Variants in MRPS28 observed in about 807,000 individuals in gnomAD.
The protein encoded by MRPS28 is mitochondrial ribosomal protein S28, also known as small ribosomal subunit protein bS1m.
A neutral mutation model predicts 10.8 loss-of-function variants in MRPS28; 7 were observed. The ratio of observed to expected loss-of-function variants is 0.65; its 90% CI spans 0.37 to 1.22. MRPS28 has a LOEUF of 1.22. MRPS28 is among the 50% of genes most tolerant of loss of function. The pLI is 0.02. For missense variants in MRPS28, 265 were observed against 232.9 expected (o/e 1.14, Z -0.90); for synonymous variants, 121 against 93.3 (o/e 1.30, Z -1.71).
chr8:79,950,645 A>C (rs192135816), intron 2 of MRPS28, among the ~76,000 whole-genome samples: 9 of 152,370 alleles, frequency 5.9e-5, no homozygotes, highest in African/African-American at 1.9e-4. Flanking sequence ...AAGCATCTTT[A>C]TCAATATAGC....
chr8:79,963,368 C>CA (rs1221087440), intron 2 of MRPS28, among the ~76,000 whole-genome samples: 3 of 152,014 alleles, frequency 2.0e-5, no homozygotes, highest in Admixed American at 6.6e-5. Flanking sequence ...ACAACAACAA[C>CA]AAAAAACCAC....
chr8:79,936,357 A>G (rs1806605712), intron 2 of MRPS28, among the ~76,000 whole-genome samples: 1 of 150,640 alleles, frequency 6.6e-6, no homozygotes, highest in Admixed American at 6.6e-5. Flanking sequence ...ATAAAAATAA[A>G]AATTAATAAA....
intron 1 of MRPS28, chr8:80,029,814 C>A: frequency 6.5e-7 from 1 of 1,529,314 alleles, no homozygotes; most frequent in East Asian, 2.5e-5. Context: ...ACAGACCCGG[C>A]CCAGTACGCA....
chr8:80,015,007 T>C (rs1215891398), intron 1 of MRPS28, among the ~76,000 whole-genome samples: 1 of 152,158 alleles, frequency 6.6e-6, no homozygotes, highest in Non-Finnish European at 1.5e-5. Context: ...GAAACCTCTG[T>C]GGGAACCAGT....
intron 2 of MRPS28, among the ~76,000 whole-genome samples, chr8:79,951,728 A>G (rs1166423681): frequency 6.6e-6 from 1 of 152,244 alleles, no homozygotes; most frequent in African/African-American, 2.4e-5. Context: ...TAAAAGAGAC[A>G]CACGAAAGAG....
chr8:79,989,389 A>C (rs1055246644), intron 2 of MRPS28, among the ~76,000 whole-genome samples: 4 of 152,178 alleles, frequency 2.6e-5, no homozygotes, highest in African/African-American at 9.7e-5. Flanking sequence ...AAAGGAGATA[A>C]GGTTATCTTC....
intron 2 of MRPS28, among the ~76,000 whole-genome samples, chr8:79,952,296 A>T (rs1428811665): frequency 6.6e-6 from 1 of 152,234 alleles, no homozygotes; most frequent in Non-Finnish European, 1.5e-5. Flanking sequence ...TTTAACAAGG[A>T]ATATTAGAAA....
intron 2 of MRPS28, among the ~76,000 whole-genome samples, chr8:79,935,648 T>C (rs1806588871): frequency 6.6e-6 from 1 of 152,180 alleles, no homozygotes; most frequent in South Asian, 2.1e-4. Flanking sequence ...CTGAGAATAG[T>C]CTAGAATGTC....
chr8:80,030,151 C>T lies in MRPS28; in HGVS notation c.98G>A (p.Ser33Asn), dbSNP rs758108994. 2 of 1,613,328 alleles carry T rather than the reference C, an allele frequency of 1.2e-6. No individual in the cohort carries two copies. The highest frequency in any genetic ancestry group is 1.7e-5 in the Admixed American group (1 of 59,984). ...FRPFRGVGTE[S>N]GSESGSSNAK... ...ATTGGAACTACCACTTTCGGATCCA[C>T]TCTCAGTGCCTACACCCCGAAAGGG... The change falls in exon 1 of 3, where the codon AGT becomes AAT. Residue 33 changes from serine (S) to asparagine (N), a missense_variant. Ser to Asn is a conservative substitution (Grantham distance 46). Coordinates refer to ENST00000276585, the MANE Select transcript of MRPS28 (RefSeq NM_014018.3).
chr8:79,975,402 A>G (rs1274926204), intron 2 of MRPS28, among the ~76,000 whole-genome samples: 1 of 152,226 alleles, frequency 6.6e-6, no homozygotes, highest in Non-Finnish European at 1.5e-5. Context: ...TAAGTATGTA[A>G]GTATGGTACC....
rs1167612535 is a variant in MRPS28 at position 79,944,699 on chromosome 8, TTC to T, written c.396-25553_396-25552del. 9.1e-3 allele frequency among the ~76,000 whole-genome samples: 464 copies of T among 50,994 alleles called. 4 individuals carry two copies. The highest frequency in any genetic ancestry group is 0.011 in the African/African-American group (97 of 8,494). The allele number at this position is 50,994 out of a possible 152,430, so 33.5% of individuals were successfully genotyped here. On this transcript the variant is annotated intron_variant, in intron 2 of 2. Transcript: ENST00000276585. ...AAGCCATAATTTTTCTTTTTCTTTT[TTC>T]TTTTTTTTTTTTGAGACAAGGTCTC...
At chr8:79,997,233 C>G (rs538826212) in intron 2 of MRPS28, among the ~76,000 whole-genome samples, 2 of 152,230 alleles carry the variant, frequency 1.3e-5, no homozygotes, top group South Asian at 4.1e-4. Flanking sequence ...CATACAAGCC[C>G]TCTGACTCAC....
chr8:79,983,418 G>A (rs1181623217), intron 2 of MRPS28, among the ~76,000 whole-genome samples: 1 of 152,186 alleles, frequency 6.6e-6, no homozygotes, highest in South Asian at 2.1e-4. Context: ...AACAAAGCTG[G>A]ACGGAGAATG....
intron 2 of MRPS28, among the ~76,000 whole-genome samples, chr8:79,996,283 C>A (rs1808499996): frequency 6.6e-6 from 1 of 152,044 alleles, no homozygotes. Context: ...GAGGTCTTAC[C>A]ACAATTATGA....
intron 2 of MRPS28, among the ~76,000 whole-genome samples, chr8:79,941,785 T>G (rs182966274): frequency 6.6e-6 from 1 of 152,328 alleles, no homozygotes; most frequent in East Asian, 1.9e-4. Flanking sequence ...TTTCAATAAT[T>G]TATTTAGATC....
chr8:80,028,536 G>A (rs988551409), intron 1 of MRPS28, among the ~76,000 whole-genome samples: 2 of 151,554 alleles, frequency 1.3e-5, no homozygotes, highest in Admixed American at 6.6e-5. Flanking sequence ...ACCTTCCGTG[G>A]CAAAGGAGAA....
chr8:79,955,624 A>G (rs1051415889), intron 2 of MRPS28, among the ~76,000 whole-genome samples: 26 of 152,052 alleles, frequency 1.7e-4, no homozygotes, highest in African/African-American at 5.8e-4. Context: ...CCAGTGTCAC[A>G]TGTTTTAGGT....
At chr8:79,936,641 G>A (rs1290210049) in intron 2 of MRPS28, among the ~76,000 whole-genome samples, 1 of 152,054 alleles carries the variant, frequency 6.6e-6, no homozygotes, top group African/African-American at 2.4e-5. Flanking sequence ...GTCTGTACAA[G>A]GAATACTACA....
intron 2 of MRPS28, among the ~76,000 whole-genome samples, chr8:80,001,338 G>A (rs925119457): frequency 5.9e-5 from 9 of 152,292 alleles, no homozygotes; most frequent in Middle Eastern, 6.8e-3. Flanking sequence ...TCTGCTGATA[G>A]TACCTAAGAG....
Sources: allele counts gnomAD v4.1 joint callset (sites outside exome capture counted in the v4.1 genomes callset), GRCh38; gene constraint gnomAD v4.1.1; transcripts MANE v1.5; gene names NCBI Gene and HGNC (gene_info 2026-07-23, HGNC 2026-07-21).